Variants in UVRAG observed in about 807,000 individuals in gnomAD.
UVRAG encodes the protein UV radiation resistance associated, also known as UV radiation resistance-associated gene protein.
In UVRAG, 19 loss-of-function variants were observed where a neutral mutation model predicts 78.0. The observed-to-expected ratio is 0.24, with a 90% CI of 0.17 to 0.36. The LOEUF is 0.36. Among genes scored for constraint, UVRAG ranks in the 10% least tolerant of loss-of-function variants. UVRAG has a pLI of 1.00. For missense variants in UVRAG, 740 were observed against 853.8 expected, an observed-to-expected ratio of 0.87 and a Z score of 1.66; for synonymous variants, 323 against 324.6, an observed-to-expected ratio of 1.00 and a Z score of 0.05.
rs538100766 is a variant in UVRAG, at chr11:75,907,415, A to T, written c.508-4539A>T. Among the ~76,000 whole-genome samples the T allele has an allele frequency of 1.2e-3, 184 of 149,428 alleles. 1 individual carries two copies. The highest frequency in any genetic ancestry group is 3.4e-3 in the African/African-American group (140 of 40,652). Reference sequence around the variant, plus strand: ...CTAGTTTGTGATTTTTTTTTTTTTTAAATCATGGAAAGGTGCTGAATTTTG... The same window carrying T: ...CTAGTTTGTGATTTTTTTTTTTTTTTAATCATGGAAAGGTGCTGAATTTTG... On this transcript the variant is annotated intron_variant, in intron 5 of 14. Transcript: ENST00000356136.
intron 1 of UVRAG, among the ~76,000 whole-genome samples, chr11:75,826,678 A>G (rs1310147999): frequency 6.8e-6 from 1 of 146,746 alleles, no homozygotes; most frequent in Non-Finnish European, 1.5e-5. Context: ...GTCCCTGGGT[A>G]CTTACCATGC....
chr11:76,118,873 A>G (rs934163328), intron 14 of UVRAG, among the ~76,000 whole-genome samples: 3 of 152,178 alleles, frequency 2.0e-5, no homozygotes, highest in Non-Finnish European at 2.9e-5. Context: ...CTTCTTTTCT[A>G]TTCTCCAGAA....
At chr11:76,023,916 T>C (rs1391986225) in intron 12 of UVRAG, among the ~76,000 whole-genome samples, 1 of 152,144 alleles carries the variant, frequency 6.6e-6, no homozygotes, top group Non-Finnish European at 1.5e-5. Flanking sequence ...TTTGCTGACA[T>C]CATTTGGTTT....
At chr11:76,135,946 C>A (rs1198811198) in intron 14 of UVRAG, among the ~76,000 whole-genome samples, 1 of 152,216 alleles carries the variant, frequency 6.6e-6, no homozygotes, top group Admixed American at 6.5e-5. Flanking sequence ...TTTTTCATCA[C>A]AATATAAATA....
At chr11:75,833,935 G>A (rs777252346) in intron 1 of UVRAG, among the ~76,000 whole-genome samples, 83 of 152,148 alleles carry the variant, frequency 5.5e-4, no homozygotes, top group Admixed American at 1.6e-3. Context: ...TTCCAGCATG[G>A]GCATCATGGC....
intron 6 of UVRAG, among the ~76,000 whole-genome samples, chr11:75,955,838 T>C (rs993079622): frequency 6.6e-6 from 1 of 152,212 alleles, no homozygotes; most frequent in Non-Finnish European, 1.5e-5. Flanking sequence ...CAGTGAGTTA[T>C]GGTCATGCCA....
chr11:76,136,428 G>A (rs545164748), intron 14 of UVRAG, among the ~76,000 whole-genome samples: 3 of 151,970 alleles, frequency 2.0e-5, no homozygotes, highest in Admixed American at 6.5e-5. Flanking sequence ...TGCTTACCAG[G>A]AGGTTTTAAT....
At chr11:75,907,519 A>G (rs993245761) in intron 5 of UVRAG, among the ~76,000 whole-genome samples, 1 of 150,466 alleles carries the variant, frequency 6.6e-6, no homozygotes, top group Non-Finnish European at 1.5e-5. Context: ...CCTTCTTTCT[A>G]TAATTTCTCT....
intron 3 of UVRAG, among the ~76,000 whole-genome samples, chr11:75,875,087 G>T (rs998709558): frequency 7.2e-5 from 11 of 152,168 alleles, no homozygotes; most frequent in African/African-American, 2.7e-4. Flanking sequence ...TCTGCCAGTG[G>T]ATTGTGAATT....
chr11:76,028,621 A>AT (rs1390751012), intron 12 of UVRAG, among the ~76,000 whole-genome samples: 2 of 152,142 alleles, frequency 1.3e-5, no homozygotes, highest in African/African-American at 2.4e-5. Flanking sequence ...AGTGGTCTGG[A>AT]TAAAAAAGTC....
In UVRAG at chr11:76,080,876, A is replaced by G. The variant is rs113618571; in HGVS notation, c.1305+15088A>G. ...GTTAGGAGAACAAGTACAGACAGAC[A>G]TGGATTCACTTCCTGATCAGTGTTG... On this transcript the variant is annotated intron_variant, in intron 13 of 14. Transcript: ENST00000356136. 7.1e-3 allele frequency among the ~76,000 whole-genome samples: 1,076 copies of G among 152,356 alleles called. 17 individuals carry two copies. The highest frequency in any genetic ancestry group is 0.025 in the African/African-American group (1,027 of 41,580).
chr11:75,866,922 T>G (rs902887693), intron 3 of UVRAG, among the ~76,000 whole-genome samples: 15 of 152,218 alleles, frequency 9.9e-5, no homozygotes, highest in Admixed American at 7.9e-4. Context: ...TGATTCAATT[T>G]TACTAACCTG....
intron 5 of UVRAG, among the ~76,000 whole-genome samples, 157 bp from the exon 6 acceptor site, chr11:75,911,797 A>G (rs1357740601): frequency 6.6e-6 from 1 of 152,142 alleles, no homozygotes; most frequent in Non-Finnish European, 1.5e-5. Flanking sequence ...TTAGGCTTCT[A>G]TTACATGGCA....
chr11:75,932,269 A>C (rs1050654032), intron 6 of UVRAG, among the ~76,000 whole-genome samples: 3 of 136,968 alleles, frequency 2.2e-5, no homozygotes, highest in East Asian at 2.0e-4. Context: ...TATGATCTTT[A>C]TTTATTTATT....
intron 13 of UVRAG, among the ~76,000 whole-genome samples, chr11:76,115,438 T>C (rs1424174678): frequency 1.3e-5 from 2 of 152,176 alleles, no homozygotes; most frequent in African/African-American, 4.8e-5. Context: ...CCAGACACTA[T>C]TGGAGTCAGA....
chr11:75,933,079 C>G (rs1205284777), intron 6 of UVRAG, among the ~76,000 whole-genome samples: 4 of 152,128 alleles, frequency 2.6e-5, no homozygotes, highest in Non-Finnish European at 5.9e-5. Context: ...AACAAAACTT[C>G]AGGAATCACA....
At chr11:75,909,791 A>G (rs1947695320) in intron 5 of UVRAG, among the ~76,000 whole-genome samples, 2 of 152,162 alleles carry the variant, frequency 1.3e-5, no homozygotes, top group South Asian at 4.1e-4. Flanking sequence ...TTGCTGGTTC[A>G]ATTTGCTGAT....
At chr11:76,004,727 G>A (rs368146952) in intron 9 of UVRAG, among the ~76,000 whole-genome samples, 10 of 152,030 alleles carry the variant, frequency 6.6e-5, no homozygotes, top group African/African-American at 2.4e-4. Flanking sequence ...CTGGCCTCAA[G>A]TGATGCTCCA....
At chr11:75,897,690 A>G (rs1248854168) in intron 5 of UVRAG, among the ~76,000 whole-genome samples, 2 of 151,210 alleles carry the variant, frequency 1.3e-5, no homozygotes. Context: ...CACCCAGCTA[A>G]TTTTTGTATT....
Sources: gnomAD v4.1 joint callset for allele counts (sites outside exome capture counted in the v4.1 genomes callset) on GRCh38, gnomAD v4.1.1 for gene constraint, MANE v1.5 for transcripts, NCBI Gene and HGNC (gene_info 2026-07-23, HGNC 2026-07-21) for gene names.